CNTNAP2: variants seen among roughly 807,000 people sequenced by gnomAD.
The protein encoded by CNTNAP2 is contactin-associated protein-like 2.
CNTNAP2 carries 98 observed loss-of-function variants against 155.2 expected under a neutral mutation model. The ratio of observed to expected loss-of-function variants is 0.63; its 90% CI spans 0.54 to 0.75. The LOEUF is 0.75. CNTNAP2 is among the 30% of genes least tolerant of loss of function. CNTNAP2 has a pLI of 0.00. For missense variants in CNTNAP2, 1,727 were observed against 1,688.1 expected, an observed-to-expected ratio of 1.02 and a Z score of -0.40; for synonymous variants, 651 against 631.2, an observed-to-expected ratio of 1.03 and a Z score of -0.47.
intron 2 of CNTNAP2, among the ~76,000 whole-genome samples, chr7:146,825,416 G>A (rs996182340): frequency 2.0e-5 from 3 of 152,104 alleles, no homozygotes; most frequent in African/African-American, 7.2e-5. Context: ...GCAAGTGCCA[G>A]CCAAAGAGAA....
In CNTNAP2 at chr7:147,855,573, G is replaced by C. The variant is rs554340152; in HGVS notation, c.2099-47992G>C. ...AGGCCAAAGTGGACAGATCACGTGA[G>C]ATCAGGAGTTTGAGACCAGTCTGGC... is the stretch of plus-strand genomic sequence containing the variant. On this transcript the variant is annotated intron_variant, in intron 13 of 23. Transcript: ENST00000361727. Among the ~76,000 whole-genome samples the C allele has an allele frequency of 1.4e-4, 22 of 151,940 alleles. No individual in the cohort carries two copies. In the South Asian group the frequency reaches 2.7e-3, roughly 19 times the overall value.
intron 8 of CNTNAP2, among the ~76,000 whole-genome samples, chr7:147,232,742 T>C (rs561143960): frequency 6.6e-6 from 1 of 152,198 alleles, no homozygotes; most frequent in African/African-American, 2.4e-5. Flanking sequence ...GAAAAAAACG[T>C]AGGGGGAAAC....
chr7:147,702,055 G>GT (rs553693695), intron 13 of CNTNAP2, among the ~76,000 whole-genome samples: 6,900 of 111,806 alleles, frequency 0.062, 486 homozygotes, highest in African/African-American at 0.18. Context: ...ACTTTGGTTG[G>GT]TTTTTTTTTT....
chr7:147,294,283 A>C (rs1368265968), intron 8 of CNTNAP2, among the ~76,000 whole-genome samples: 5 of 152,226 alleles, frequency 3.3e-5, no homozygotes, highest in Non-Finnish European at 7.3e-5. Context: ...GATTACATAC[A>C]TAAATCATTT....
chr7:147,533,612 A>G (rs1262823729), intron 11 of CNTNAP2, among the ~76,000 whole-genome samples: 1 of 151,724 alleles, frequency 6.6e-6, no homozygotes, highest in African/African-American at 2.4e-5. Flanking sequence ...AAAAAAAAAA[A>G]TACTTACTTG....
chr7:146,303,278 A>G (rs1039755910), intron 1 of CNTNAP2, among the ~76,000 whole-genome samples: 2 of 152,126 alleles, frequency 1.3e-5, no homozygotes, highest in South Asian at 2.1e-4. Flanking sequence ...AGAGAATGAC[A>G]TAATAAACAC....
chr7:146,442,527 C>T (rs978184084), intron 1 of CNTNAP2, among the ~76,000 whole-genome samples: 7 of 151,824 alleles, frequency 4.6e-5, no homozygotes, highest in South Asian at 2.1e-4. Flanking sequence ...GGTCTTTTTA[C>T]CTCATCAAAA....
At chr7:146,822,849 C>T (rs1803316681) in intron 2 of CNTNAP2, among the ~76,000 whole-genome samples, 1 of 149,290 alleles carries the variant, frequency 6.7e-6, no homozygotes, top group Non-Finnish European at 1.5e-5. Flanking sequence ...ACTCGTTCTT[C>T]AGCATATTTA....
chr7:147,331,708 T>G (rs1220597513), intron 9 of CNTNAP2, among the ~76,000 whole-genome samples: 2 of 152,140 alleles, frequency 1.3e-5, no homozygotes, highest in Admixed American at 6.5e-5. Context: ...GTCAAGCAGT[T>G]GCAGAATTTG....
intron 11 of CNTNAP2, among the ~76,000 whole-genome samples, chr7:147,552,358 T>C (rs1177110798): frequency 1.3e-5 from 2 of 152,196 alleles, no homozygotes; most frequent in East Asian, 3.8e-4. Context: ...TTGAATTCCA[T>C]AAATTACAGT....
At chr7:147,832,870 GTTAT>G (rs1468425716) in intron 13 of CNTNAP2, among the ~76,000 whole-genome samples, 1 of 146,604 alleles carries the variant, frequency 6.8e-6, no homozygotes, top group Admixed American at 6.9e-5. Context: ...TATTTTATAT[GTTAT>G]TTATACAGAA....
chr7:146,809,958 T>C (rs1585100759), intron 2 of CNTNAP2, among the ~76,000 whole-genome samples: 1 of 152,260 alleles, frequency 6.6e-6, no homozygotes, highest in East Asian at 1.9e-4. Flanking sequence ...CCTAAGTTGT[T>C]TCCTAGTTGT....
chr7:146,906,402 G>A (rs1157696604), intron 3 of CNTNAP2, among the ~76,000 whole-genome samples: 3 of 152,086 alleles, frequency 2.0e-5, no homozygotes, highest in Non-Finnish European at 4.4e-5. Context: ...AAATGTCCCT[G>A]TCTGACAGCT....
rs886195643 is a variant in CNTNAP2 at position 146,678,354 on chromosome 7, A to G, written c.98-95917A>G. Among the ~76,000 whole-genome samples, 5 of 152,174 alleles carry G rather than the reference A, an allele frequency of 3.3e-5. No individual in the cohort carries two copies. In the South Asian group the frequency reaches 8.3e-4, roughly 25 times the overall value. ...CTCCAAAAGTGCTGGAATTACAGGC[A>G]TCAGCTACCACACCCAGCCATAATG... On this transcript the variant is annotated intron_variant, in intron 1 of 23. Transcript: ENST00000361727.
intron 1 of CNTNAP2, among the ~76,000 whole-genome samples, chr7:146,490,241 T>C (rs148314842): frequency 2.0e-3 from 304 of 152,354 alleles, no homozygotes; most frequent in African/African-American, 6.5e-3. Context: ...TACTATATTT[T>C]ATATATCTCA....
At chr7:147,786,924 A>G (rs1437976256) in intron 13 of CNTNAP2, among the ~76,000 whole-genome samples, 1 of 151,826 alleles carries the variant, frequency 6.6e-6, no homozygotes, top group African/African-American at 2.4e-5. Flanking sequence ...AGCTATGATC[A>G]TGCCACTGAA....
Position 147,551,678 on chromosome 7 carries a change from T to C in CNTNAP2, c.1778-10460T>C, listed in dbSNP as rs375220350. 5.3e-5 allele frequency among the ~76,000 whole-genome samples: 8 copies of C among 152,320 alleles called. No individual in the cohort carries two copies. In the South Asian group the frequency reaches 1.7e-3, roughly 32 times the overall value. Reference sequence around the variant, plus strand: ...ACCTAAATCAGATGCTAATATCTTGTTGCTGCATTGGTTTTAACAGTAGAC... The same window carrying C: ...ACCTAAATCAGATGCTAATATCTTGCTGCTGCATTGGTTTTAACAGTAGAC... On this transcript the variant is annotated intron_variant, in intron 11 of 23. Coordinates refer to ENST00000361727, the MANE Select transcript of CNTNAP2 (RefSeq NM_014141.6).
intron 3 of CNTNAP2, among the ~76,000 whole-genome samples, chr7:146,895,371 T>G (rs1795855132): frequency 1.3e-5 from 2 of 151,162 alleles, no homozygotes; most frequent in African/African-American, 4.9e-5. Flanking sequence ...TTTTTCCTAT[T>G]TCCTTGCATT....
chr7:148,005,527 G>T (rs55672616), intron 15 of CNTNAP2, among the ~76,000 whole-genome samples: 2,174 of 152,078 alleles, frequency 0.014, 27 homozygotes, highest in Non-Finnish European at 0.022. Flanking sequence ...CCTGCTGTGG[G>T]GTCTGCTCAC....
Sources: allele counts gnomAD v4.1 joint callset (sites outside exome capture counted in the v4.1 genomes callset), GRCh38; gene constraint gnomAD v4.1.1; transcripts MANE v1.5; gene names NCBI Gene and HGNC (gene_info 2026-07-23, HGNC 2026-07-21).